NCAM1: variants seen among roughly 807,000 people sequenced by gnomAD.
NCAM1 encodes the protein neural cell adhesion molecule 1, also known as antigen recognized by monoclonal antibody 5.1H11.
A neutral mutation model predicts 109.8 loss-of-function variants in NCAM1; 14 were observed. That is an observed-to-expected ratio of 0.13 (90% CI 0.08 to 0.20). The LOEUF (loss-of-function observed/expected upper bound fraction) is 0.20, where lower values mean the gene tolerates loss of function less well. Ranked by LOEUF, NCAM1 falls within the 10% of genes least tolerant of loss-of-function variation. NCAM1 has a pLI of 1.00. For missense variants in NCAM1, 774 were observed against 1,109.9 expected (o/e 0.70, Z 4.30); for synonymous variants, 418 against 442.9 (o/e 0.94, Z 0.70).
At chr11:112,964,248 C>T (rs1392002221) in intron 1 of NCAM1, among the ~76,000 whole-genome samples, 1 of 146,850 alleles carries the variant, frequency 6.8e-6, no homozygotes, top group East Asian at 2.0e-4. Context: ...ACATATAAGG[C>T]AAGCTAACCT....
chr11:113,238,365 G>A (rs187184103), intron 14 of NCAM1, among the ~76,000 whole-genome samples: 6 of 152,082 alleles, frequency 3.9e-5, no homozygotes, highest in East Asian at 1.9e-4. Context: ...AGGATGAGGC[G>A]GTGAACATAT....
intron 1 of NCAM1, among the ~76,000 whole-genome samples, chr11:113,142,444 A>T (rs1246018643): frequency 1.3e-5 from 2 of 152,178 alleles, no homozygotes; most frequent in Non-Finnish European, 1.5e-5. Context: ...CCCCTTTTGA[A>T]AATTGGGACA....
intron 1 of NCAM1, among the ~76,000 whole-genome samples, chr11:113,009,327 T>TTTTTTTTTTG (rs1951978490): frequency 7.2e-6 from 1 of 138,822 alleles, no homozygotes; most frequent in Non-Finnish European, 1.6e-5. Flanking sequence ...TTTTTTTTTT[T>TTTTTTTTTTG]TTTTTTTTTT....
intron 1 of NCAM1, among the ~76,000 whole-genome samples, chr11:113,168,050 G>T (rs75013110): frequency 1.3e-5 from 2 of 152,304 alleles, no homozygotes; most frequent in African/African-American, 2.4e-5. Flanking sequence ...TTCCACATCT[G>T]AAAGGAATTG....
chr11:113,037,688 T>G (rs1268947293), intron 1 of NCAM1, among the ~76,000 whole-genome samples: 1 of 152,244 alleles, frequency 6.6e-6, no homozygotes, highest in Non-Finnish European at 1.5e-5. Context: ...TGTTCTTCAC[T>G]AAATGCATAA....
At position 113,207,387 on chromosome 11, in the gene NCAM1, C is replaced by T; in HGVS notation, c.746+9C>T. 1 of 1,601,768 alleles carries T rather than the reference C, an allele frequency of 6.2e-7. No individual in the cohort carries two copies. Among genetic ancestry groups the T allele is most frequent in the Non-Finnish European group, 8.6e-7 (1 of 1,168,906 alleles). On this transcript the variant is annotated intron_variant, in intron 6 of 19. Transcript: ENST00000316851. ...ACCATGAGCTGGACAAAGTAAGAAA[C>T]TGGCTCATACCTTTTATCATGGACT... is the stretch of plus-strand genomic sequence containing the variant.
At chr11:112,974,837 ATG>A (rs1184214361) in intron 1 of NCAM1, among the ~76,000 whole-genome samples, 1 of 150,256 alleles carries the variant, frequency 6.7e-6, no homozygotes, top group Non-Finnish European at 1.5e-5. Flanking sequence ...GTGTGTATGT[ATG>A]TGTGTGTGTG....
intron 1 of NCAM1, among the ~76,000 whole-genome samples, chr11:113,114,137 T>C (rs1295779719): frequency 1.3e-5 from 2 of 152,236 alleles, no homozygotes; most frequent in African/African-American, 2.4e-5. Flanking sequence ...TGTGGAGAAT[T>C]ATTTGTCCTT....
intron 15 of NCAM1, among the ~76,000 whole-genome samples, chr11:113,253,771 G>A (rs745320969): frequency 1.4e-4 from 21 of 152,134 alleles, no homozygotes; most frequent in Admixed American, 2.6e-4. Flanking sequence ...TCCAGGCTAG[G>A]GCAGGTAGAC....
chr11:113,101,422 A>G lies in NCAM1; in HGVS notation c.53-100957A>G, dbSNP rs144949425. ...ATGGTTATTTTCCTTTGTTACTTTCATACTCTATTTCTTTCCATATTTAAC... is the reference window on the plus strand; with the variant it reads ...ATGGTTATTTTCCTTTGTTACTTTCGTACTCTATTTCTTTCCATATTTAAC... On this transcript the variant is annotated intron_variant, in intron 1 of 19. Coordinates refer to ENST00000316851, the MANE Select transcript of NCAM1 (RefSeq NM_181351.5). Among the ~76,000 whole-genome samples the G allele has an allele frequency of 3.8e-3, 577 of 152,290 alleles. 1 individual carries two copies. The highest frequency in any genetic ancestry group is 4.6e-3 in the Non-Finnish European group (316 of 68,032).
At position 113,275,682 on chromosome 11, in the gene NCAM1, C is replaced by T. The variant is rs781834776; in HGVS notation, c.*295C>T. The T allele has an allele frequency of 2.2e-4, 51 of 228,714 alleles. No individual in the cohort carries two copies. The highest frequency in any genetic ancestry group is 6.8e-5 in the Non-Finnish European group (8 of 118,086). The allele number at this position is 228,714 out of a possible 1,614,324, so 14.2% of individuals were successfully genotyped here. A position where few individuals can be genotyped will look rare whatever the true frequency, so the allele number is the denominator to read the frequency against. On this transcript the variant is annotated 3_prime_UTR_variant, in exon 20 of 20. Transcript: ENST00000316851. ...ACTAGGACACTCCGTTCCCTGAAACCGTTAAAAAATCAAACAAAAGGACCC... is the reference window on the plus strand; with the variant it reads ...ACTAGGACACTCCGTTCCCTGAAACTGTTAAAAAATCAAACAAAAGGACCC...
chr11:113,128,031 A>G (rs542584702), intron 1 of NCAM1, among the ~76,000 whole-genome samples: 29 of 152,316 alleles, frequency 1.9e-4, no homozygotes. Context: ...GCTGGGGCCG[A>G]CAGTGTGGTC....
chr11:113,113,434 C>A (rs1054380595), intron 1 of NCAM1, among the ~76,000 whole-genome samples: 3 of 152,162 alleles, frequency 2.0e-5, no homozygotes, highest in Non-Finnish European at 4.4e-5. Context: ...GACTTTGTTT[C>A]TCTCTGGAAT....
Position 113,233,158 on chromosome 11 carries a change from T to A in NCAM1, c.1534T>A (p.Ser512Thr), listed in dbSNP as rs1555117628. The A allele has an allele frequency of 6.2e-7, 1 of 1,613,006 alleles. No homozygotes were observed. The highest frequency in any genetic ancestry group is 8.5e-7 in the Non-Finnish European group (1 of 1,179,774). ...TGTCTTCCCCACAGACACCCCCTCT[T>A]CACCATCCATCGACCAGGTGGAGCC... is the stretch of plus-strand genomic sequence containing the variant. ...FILVQADTPSSPSIDQVEPYS... is the reference protein window; with the variant it reads ...FILVQADTPSTPSIDQVEPYS... Residue 512 changes from serine (S) to threonine (T), a missense_variant, in exon 13 of 20, where the codon TCA becomes ACA. Ser to Thr is a moderately conservative substitution (Grantham distance 58, BLOSUM62 1). Transcript: ENST00000316851. This position sits in a 1 kb window ranked among gnomAD's most constrained non-coding sequence, Gnocchi z 4.5.
chr11:113,074,695 G>C (rs928614293), intron 1 of NCAM1, among the ~76,000 whole-genome samples: 2 of 151,996 alleles, frequency 1.3e-5, no homozygotes, highest in Non-Finnish European at 2.9e-5. Context: ...GCAGAGGCAT[G>C]ATCTCTGCTT....
At chr11:113,061,568 A>C (rs1451435863) in intron 1 of NCAM1, among the ~76,000 whole-genome samples, 2 of 152,234 alleles carry the variant, frequency 1.3e-5, no homozygotes, top group Non-Finnish European at 2.9e-5. Flanking sequence ...ACTGGAACAG[A>C]AGCCATCTCC....
chr11:113,109,920 T>G (rs1265837579), intron 1 of NCAM1, among the ~76,000 whole-genome samples: 1 of 152,138 alleles, frequency 6.6e-6, no homozygotes, highest in East Asian at 1.9e-4. Context: ...TAATGTATGA[T>G]CCGTGAACAT....
rs1230393191 is a variant in NCAM1, at chr11:113,187,545, GTGTGTGTGTGTGTGTTTC to G, written c.53-14818_53-14801del. Among the ~76,000 whole-genome samples, 3 of 131,894 alleles carry G rather than the reference GTGTGTGTGTGTGTGTTTC, an allele frequency of 2.3e-5. No homozygotes were observed. The East Asian group carries it at 6.9e-4, about 30-fold the overall frequency. The allele number at this position is 131,894 out of a possible 152,430, so 86.5% of individuals were successfully genotyped here. A position where few individuals can be genotyped will look rare whatever the true frequency, so the allele number is the denominator to read the frequency against. Reference sequence around the variant, plus strand: ...GATATTGTGTACACTGAGGATCTGTGTGTGTGTGTGTGTGTTTCTGTGTGTGTGTGTGTGTGTGTGTGT... The same window carrying G: ...GATATTGTGTACACTGAGGATCTGTGTGTGTGTGTGTGTGTGTGTGTGTGT... On this transcript the variant is annotated intron_variant, in intron 1 of 19. Transcript: ENST00000316851.
At chr11:113,127,042 A>T (rs1162051610) in intron 1 of NCAM1, among the ~76,000 whole-genome samples, 1 of 152,186 alleles carries the variant, frequency 6.6e-6, no homozygotes. Flanking sequence ...ATATTCCAAC[A>T]TGGAACTCAG....
Sources: allele counts gnomAD v4.1 joint callset (sites outside exome capture counted in the v4.1 genomes callset), GRCh38; gene constraint gnomAD v4.1.1; non-coding constraint Gnocchi (gnomAD v3.1); transcripts MANE v1.5; gene names NCBI Gene and HGNC (gene_info 2026-07-23, HGNC 2026-07-21).